SYNPO2: variants seen among roughly 807,000 people sequenced by gnomAD.
The protein encoded by SYNPO2 is synaptopodin 2.
In SYNPO2, 56 loss-of-function variants were observed where a neutral mutation model predicts 85.0. That is an observed-to-expected ratio of 0.66 (90% CI 0.53 to 0.82). SYNPO2 has a LOEUF of 0.82. SYNPO2 is among the 40% of genes least tolerant of loss of function. The pLI, the probability that SYNPO2 is intolerant of heterozygous loss-of-function variation, is 0.00. For synonymous variants in SYNPO2, 602 were observed against 591.1 expected, an observed-to-expected ratio of 1.02 and a Z score of -0.27; for missense variants, 1,575 against 1,534.2, an observed-to-expected ratio of 1.03 and a Z score of -0.44.
At chr4:119,042,802 T>A (rs1279497732) in intron 4 of SYNPO2, 1 of 152,204 alleles carries the variant, frequency 6.6e-6, no homozygotes, top group African/African-American at 2.4e-5. Flanking sequence ...ACGGCTTTGA[T>A]CCTAACAAGC....
chr4:118,876,514 G>C (rs988808457), intron 1 of SYNPO2, among the ~76,000 whole-genome samples: 1 of 152,154 alleles, frequency 6.6e-6, no homozygotes, highest in Admixed American at 6.5e-5. Flanking sequence ...AAGATGCCAA[G>C]GAGGCATCTT....
chr4:118,870,856 A>G (rs1731786966), intron 1 of SYNPO2, among the ~76,000 whole-genome samples: 1 of 152,234 alleles, frequency 6.6e-6, no homozygotes, highest in South Asian at 2.1e-4. Context: ...CTCATGTAAC[A>G]AAACTGCACA....
upstream of SYNPO2, among the ~76,000 whole-genome samples, chr4:118,885,384 C>T (rs1436883675): frequency 6.6e-6 from 1 of 151,792 alleles, no homozygotes; most frequent in Non-Finnish European, 1.5e-5. Flanking sequence ...TGTTGAAGTC[C>T]AGGTCAGAGA....
intron 1 of SYNPO2, among the ~76,000 whole-genome samples, chr4:118,918,231 C>T (rs1354411518): frequency 1.3e-5 from 2 of 151,964 alleles, no homozygotes; most frequent in Non-Finnish European, 2.9e-5. Context: ...AAACTGAAAC[C>T]AGATGTCTTA....
chr4:119,029,179 AAT>A (rs1236611563), intron 3 of SYNPO2, among the ~76,000 whole-genome samples: 1 of 152,100 alleles, frequency 6.6e-6, no homozygotes, highest in Non-Finnish European at 1.5e-5. Flanking sequence ...TATTTACAAT[AAT>A]GTCATATTTT....
At chr4:118,959,152 G>A (rs992888181) in intron 1 of SYNPO2, among the ~76,000 whole-genome samples, 8 of 152,140 alleles carry the variant, frequency 5.3e-5, no homozygotes, top group Non-Finnish European at 7.4e-5. Context: ...CAAGAGTGAA[G>A]TATATTAATT....
chr4:118,871,447 G>A (rs532219566), intron 1 of SYNPO2, among the ~76,000 whole-genome samples: 1 of 151,954 alleles, frequency 6.6e-6, no homozygotes, highest in South Asian at 2.1e-4. Context: ...ACAAAACATA[G>A]GGTTATTTGT....
chr4:118,890,259 T>C (rs1732319350), intron 1 of SYNPO2, among the ~76,000 whole-genome samples: 1 of 152,066 alleles, frequency 6.6e-6, no homozygotes, highest in Admixed American at 6.6e-5. Context: ...TTTCGTAATG[T>C]GATGGTGGAA....
At position 118,960,579 on chromosome 4, in the gene SYNPO2, A is replaced by C. The variant is rs147478771; in HGVS notation, c.106-62851A>C. ...AGGGGACTCATTAATTTAAATCTCC[A>C]ATCCTGACTTCTCAGAGTACCATAC... On this transcript the variant is annotated intron_variant, in intron 1 of 4. Transcript: ENST00000307142. Among the ~76,000 whole-genome samples, 10 of 152,236 alleles carry C rather than the reference A, an allele frequency of 6.6e-5. No homozygotes were observed. The East Asian group carries it at 1.9e-3, about 29-fold the overall frequency.
chr4:119,031,456 A>C lies in SYNPO2; in HGVS notation c.2681A>C (p.Gln894Pro). Residue 894 changes from glutamine to proline, a missense_variant, in exon 4 of 5, where the codon CAG becomes CCG. Physicochemically the swap from Gln to Pro is moderately conservative, Grantham distance 76 (BLOSUM62 -1). Transcript: ENST00000307142. The stretch of plus-strand genomic sequence containing the variant: ...TATGTGGTCGATTCAGACACGGTGC[A>C]GGCCCACGCTGCTCGAGCTCAGTCT... ...EKYVVDSDTV[Q>P]AHAARAQSPT... The C allele has an allele frequency of 6.2e-7, 1 of 1,614,166 alleles. No homozygotes were observed. The highest frequency in any genetic ancestry group is 8.5e-7 in the Non-Finnish European group (1 of 1,180,032).
chr4:118,977,259 G>A (rs1197786759), intron 1 of SYNPO2, among the ~76,000 whole-genome samples: 10 of 152,188 alleles, frequency 6.6e-5, no homozygotes, highest in Admixed American at 5.9e-4. Flanking sequence ...CACTGCTGGG[G>A]GACTCAGTAC....
chr4:118,937,517 A>G lies in SYNPO2; in HGVS notation c.105+48376A>G, dbSNP rs540396593. Among the ~76,000 whole-genome samples the G allele has an allele frequency of 2.0e-5, 3 of 152,218 alleles. No homozygotes were observed. The East Asian group carries it at 5.8e-4, about 29-fold the overall frequency. On this transcript the variant is annotated intron_variant, in intron 1 of 4. Coordinates refer to ENST00000307142, the MANE Select transcript of SYNPO2 (RefSeq NM_133477.3). ...CTACATGTGTACTGCTTATGTGTCTAAAGTCTGCCTCAGACAGTAGACCAT... is the reference window on the plus strand; with the variant it reads ...CTACATGTGTACTGCTTATGTGTCTGAAGTCTGCCTCAGACAGTAGACCAT...
chr4:118,925,524 C>T (rs1273856634), intron 1 of SYNPO2, among the ~76,000 whole-genome samples: 1 of 152,086 alleles, frequency 6.6e-6, no homozygotes, highest in African/African-American at 2.4e-5. Flanking sequence ...AGCTTGTGAT[C>T]TTTGTCATTG....
intron 1 of SYNPO2, among the ~76,000 whole-genome samples, chr4:118,879,486 A>C (rs965556960): frequency 2.0e-5 from 3 of 152,150 alleles, no homozygotes; most frequent in Non-Finnish European, 4.4e-5. Flanking sequence ...GACACAAGAG[A>C]GATGATCTTT....
chr4:119,054,438 A>G (rs1739147108), intron 4 of SYNPO2, among the ~76,000 whole-genome samples: 1 of 152,264 alleles, frequency 6.6e-6, no homozygotes, highest in Middle Eastern at 3.4e-3. Context: ...TCACACAGAC[A>G]ACTGAAGGGC....
chr4:119,029,962 T>G lies in SYNPO2; in HGVS notation c.1187T>G (p.Met396Arg). 6.2e-7 allele frequency: 1 copy of G among 1,614,066 alleles called. No individual in the cohort carries two copies. The highest frequency in any genetic ancestry group is 8.5e-7 in the Non-Finnish European group (1 of 1,180,012). Residue 396 changes from methionine to arginine, a missense_variant, in exon 4 of 5, where the codon ATG becomes AGG. Transcript: ENST00000307142. ...APNPNSKGVL[M>R]FKKRRRRARK... ...AACCCCAACTCCAAGGGGGTGTTGA[T>G]GTTTAAGAAGCGACGTCGGAGGGCC... is the stretch of plus-strand genomic sequence containing the variant.
rs1045478801 is a variant in SYNPO2 at position 118,981,268 on chromosome 4, C to T, written c.106-42162C>T. On this transcript the variant is annotated intron_variant, in intron 1 of 4. Coordinates refer to ENST00000307142, the MANE Select transcript of SYNPO2 (RefSeq NM_133477.3). ...TGGGCTCTCTAGTTGAACAGCCTAA[C>T]AGCCCTGCAACCAACCTGTCTCATA... Among the ~76,000 whole-genome samples the T allele has an allele frequency of 1.2e-4, 19 of 152,316 alleles. 1 individual carries two copies. The highest frequency in any genetic ancestry group is 4.3e-4 in the African/African-American group (18 of 41,572).
At chr4:119,028,407 C>G (rs938777149) in intron 3 of SYNPO2, among the ~76,000 whole-genome samples, 1 of 152,046 alleles carries the variant, frequency 6.6e-6, no homozygotes, top group Non-Finnish European at 1.5e-5. Context: ...CCATTTGTAG[C>G]TTTATTGGCA....
intron 1 of SYNPO2, among the ~76,000 whole-genome samples, chr4:118,914,644 A>G (rs1733251332): frequency 6.6e-6 from 1 of 152,142 alleles, no homozygotes; most frequent in African/African-American, 2.4e-5. Flanking sequence ...GCCACATAAT[A>G]GTTGGCTGAG....
Sources: allele counts gnomAD v4.1 joint callset (sites outside exome capture counted in the v4.1 genomes callset), GRCh38; gene constraint gnomAD v4.1.1; transcripts MANE v1.5; gene names NCBI Gene and HGNC (gene_info 2026-07-23, HGNC 2026-07-21).